Variants in PRKG1 observed in about 807,000 individuals in gnomAD.
PRKG1 encodes cGMP-dependent protein kinase 1.
PRKG1 carries 35 observed loss-of-function variants against 88.1 expected under a neutral mutation model. The observed-to-expected ratio is 0.40, with a 90% CI of 0.30 to 0.53. The LOEUF is 0.53. Among genes scored for constraint, PRKG1 ranks in the 20% least tolerant of loss-of-function variants. The pLI is 0.59. For missense variants in PRKG1, 540 were observed against 839.8 expected (o/e 0.64, Z 4.41); for synonymous variants, 303 against 292.5 (o/e 1.04, Z -0.37).
chr10:52,227,070 T>A (rs946247530), intron 9 of PRKG1, among the ~76,000 whole-genome samples: 2 of 152,152 alleles, frequency 1.3e-5, no homozygotes, highest in Non-Finnish European at 2.9e-5. Context: ...AGGAATGAGG[T>A]GTTGTTTGAT....
chr10:51,553,994 GTGATACGTGCA>G (rs1837221760), intron 3 of PRKG1, among the ~76,000 whole-genome samples: 2 of 147,630 alleles, frequency 1.4e-5, no homozygotes, highest in African/African-American at 4.9e-5. Flanking sequence ...ATATGCGTAT[GTGATACGTGCA>G]TATTATATGT....
At chr10:51,718,859 T>C (rs1357776458) in intron 3 of PRKG1, among the ~76,000 whole-genome samples, 1 of 150,372 alleles carries the variant, frequency 6.7e-6, no homozygotes, top group Non-Finnish European at 1.5e-5. Flanking sequence ...AAAGTTAGAA[T>C]TCCTAGGCCA....
chr10:51,283,377 G>A (rs1466260867), intron 2 of PRKG1, among the ~76,000 whole-genome samples: 1 of 151,986 alleles, frequency 6.6e-6, no homozygotes, highest in Non-Finnish European at 1.5e-5. Flanking sequence ...TGCAATTCTA[G>A]ATAACTACTT....
intron 4 of PRKG1, among the ~76,000 whole-genome samples, chr10:51,901,020 T>C (rs1057406921): frequency 3.9e-5 from 6 of 152,142 alleles, no homozygotes; most frequent in Middle Eastern, 3.2e-3. Flanking sequence ...TTATTTATCT[T>C]TTTCTATGGT....
At chr10:51,350,257 C>A (rs939760416) in intron 2 of PRKG1, among the ~76,000 whole-genome samples, 11 of 152,192 alleles carry the variant, frequency 7.2e-5, no homozygotes, top group Admixed American at 1.3e-4. Flanking sequence ...GACCTAATGA[C>A]AAGGCCATTG....
chr10:51,262,685 C>T (rs1472943505), intron 2 of PRKG1, among the ~76,000 whole-genome samples: 1 of 152,094 alleles, frequency 6.6e-6, no homozygotes, highest in Non-Finnish European at 1.5e-5. Flanking sequence ...GGAAGCATGG[C>T]TTGGAGGCCT....
At chr10:52,064,467 A>G (rs1174060583) in intron 7 of PRKG1, among the ~76,000 whole-genome samples, 1 of 152,180 alleles carries the variant, frequency 6.6e-6, no homozygotes, top group Non-Finnish European at 1.5e-5. Flanking sequence ...GCCTGGGTCT[A>G]GCTACCTCCA....
rs928652819 is a variant in PRKG1 at position 51,946,491 on chromosome 10, C to T, written c.762+38921C>T. 9.2e-5 allele frequency among the ~76,000 whole-genome samples: 14 copies of T among 152,172 alleles called. No individual in the cohort carries two copies. The Middle Eastern group carries it at 0.01, about 112-fold the overall frequency. On this transcript the variant is annotated intron_variant, in intron 5 of 17. Coordinates refer to ENST00000373980, the MANE Select transcript of PRKG1 (RefSeq NM_006258.4). ...AGTCATTCTCTGTCCAGCTTTGTTC[C>T]GTTGCTGGTGAGGAGATGTGTTCCT...
chr10:51,238,258 T>C (rs905831029), intron 2 of PRKG1, among the ~76,000 whole-genome samples: 1 of 152,184 alleles, frequency 6.6e-6, no homozygotes, highest in Non-Finnish European at 1.5e-5. Context: ...TTGTACTTTA[T>C]TGAGTTGCTA....
intron 3 of PRKG1, among the ~76,000 whole-genome samples, chr10:51,749,757 C>T (rs1837671756): frequency 6.6e-6 from 1 of 152,094 alleles, no homozygotes; most frequent in Admixed American, 6.6e-5. Context: ...GCTAGATTTT[C>T]CCTGGAAGAA....
chr10:51,820,149 A>G (rs1170531005), intron 4 of PRKG1, among the ~76,000 whole-genome samples: 1 of 152,210 alleles, frequency 6.6e-6, no homozygotes. Context: ...TAAGGATTTT[A>G]CTATTTATGT....
intron 4 of PRKG1, among the ~76,000 whole-genome samples, chr10:51,849,871 G>GT (rs532740737): frequency 2.0e-5 from 3 of 152,036 alleles, no homozygotes; most frequent in African/African-American, 2.4e-5. Flanking sequence ...AATTTTAGTA[G>GT]TTTTTTTAAA....
intron 1 of PRKG1, among the ~76,000 whole-genome samples, chr10:51,013,735 A>T (rs1843022576): frequency 6.6e-6 from 1 of 152,180 alleles, no homozygotes; most frequent in Non-Finnish European, 1.5e-5. Context: ...CCTAATGAGA[A>T]AACAGGTATA....
intron 4 of PRKG1, among the ~76,000 whole-genome samples, chr10:51,813,823 G>T (rs995113227): frequency 3.9e-5 from 6 of 152,126 alleles, no homozygotes; most frequent in Middle Eastern, 6.8e-3. Context: ...CTCTCTCAGT[G>T]CCCTCCTCCC....
intron 5 of PRKG1, among the ~76,000 whole-genome samples, chr10:51,937,127 T>C (rs1842814840): frequency 6.6e-6 from 1 of 151,996 alleles, no homozygotes; most frequent in Non-Finnish European, 1.5e-5. Context: ...GATGAGGTAC[T>C]CTCAGTACCA....
At chr10:52,286,638 A>G (rs941599662) in intron 14 of PRKG1, among the ~76,000 whole-genome samples, 3 of 152,040 alleles carry the variant, frequency 2.0e-5, no homozygotes, top group African/African-American at 7.2e-5. Flanking sequence ...AACTATAGGT[A>G]TACTTATTTC....
At position 51,729,954 on chromosome 10, in the gene PRKG1, T is replaced by C. The variant is rs546720227; in HGVS notation, c.593-74631T>C. Among the ~76,000 whole-genome samples, 7 of 152,242 alleles carry C rather than the reference T, an allele frequency of 4.6e-5. No homozygotes were observed. The South Asian group carries it at 1.5e-3, about 32-fold the overall frequency. ...CTCCCATACCACATAGCTTCCCCTG[T>C]TATCAACCTCCCACACCACGGTGGT... is the stretch of plus-strand genomic sequence containing the variant. On this transcript the variant is annotated intron_variant, in intron 3 of 17. Coordinates refer to ENST00000373980, the MANE Select transcript of PRKG1 (RefSeq NM_006258.4).
intron 5 of PRKG1, among the ~76,000 whole-genome samples, chr10:51,950,095 T>C (rs1843148195): frequency 6.6e-6 from 1 of 152,192 alleles, no homozygotes; most frequent in Admixed American, 6.5e-5. Flanking sequence ...AAAGTTGGAC[T>C]ACATAACTCC....
chr10:51,507,044 T>G (rs577932200), intron 3 of PRKG1, among the ~76,000 whole-genome samples: 2 of 150,622 alleles, frequency 1.3e-5, no homozygotes, highest in Non-Finnish European at 2.9e-5. Context: ...AGCAAACTAG[T>G]GCAAGGACAA....
Sources: gnomAD v4.1 joint callset for allele counts (sites outside exome capture counted in the v4.1 genomes callset) on GRCh38, gnomAD v4.1.1 for gene constraint, MANE v1.5 for transcripts, NCBI Gene and HGNC (gene_info 2026-07-23, HGNC 2026-07-21) for gene names.